Variants in SERPINF1 observed in about 807,000 individuals in gnomAD.
SERPINF1 encodes the protein pigment epithelium-derived factor.
SERPINF1 carries 29 observed loss-of-function variants against 37.3 expected under a neutral mutation model. The ratio of observed to expected loss-of-function variants is 0.78; its 90% CI spans 0.58 to 1.06. SERPINF1 has a LOEUF of 1.06. Ranked by LOEUF, SERPINF1 falls within the 50% of genes least tolerant of loss-of-function variation. The pLI is 0.00. For synonymous variants in SERPINF1, 281 were observed against 227.9 expected (o/e 1.23, Z -2.10); for missense variants, 553 against 532.2 (o/e 1.04, Z -0.38).
intron 5 of SERPINF1, among the ~76,000 whole-genome samples, chr17:1,774,416 G>A (rs569273331): frequency 9.9e-5 from 15 of 152,156 alleles, no homozygotes; most frequent in Admixed American, 3.9e-4. Context: ...GGCTGTTCTC[G>A]AAAACTCCTG....
At position 1,777,211 on chromosome 17, in the gene SERPINF1, C is replaced by T; in HGVS notation, c.1022C>T (p.Pro341Leu). 1 of 1,614,082 alleles carries T rather than the reference C, an allele frequency of 6.2e-7. No individual in the cohort carries two copies. Among genetic ancestry groups the T allele is most frequent in the Non-Finnish European group, 8.5e-7 (1 of 1,180,028 alleles). Reference sequence around the variant, plus strand: ...GAGCTGCAATCCTTGTTTGATTCACCAGACTTTAGCAAGATCACAGGCAAA... The same window carrying T: ...GAGCTGCAATCCTTGTTTGATTCACTAGACTTTAGCAAGATCACAGGCAAA... The part of the protein sequence containing the change: ...EMKLQSLFDS[P>L]DFSKITGKPI... Residue 341 changes from proline to leucine, a missense_variant, in exon 8 of 8, where the codon CCA (proline) becomes CTA (leucine). Pro to Leu is a moderately conservative substitution (Grantham distance 98). Transcript: ENST00000254722.
At chr17:1,766,812 C>T in intron 1 of SERPINF1, 91 bp from the exon 2 acceptor site, 1 of 1,297,210 alleles carries the variant, frequency 7.7e-7, no homozygotes, top group South Asian at 1.3e-5. Flanking sequence ...CCTGCCCAAC[C>T]CCTGGGTCCT....
At chr17:1,767,394 G>A (rs563641752) in intron 2 of SERPINF1, among the ~76,000 whole-genome samples, 4 of 152,060 alleles carry the variant, frequency 2.6e-5, no homozygotes, top group African/African-American at 7.2e-5. Flanking sequence ...CTCCTGCCTC[G>A]GCCTCCCAAA....
At position 1,766,649 on chromosome 17, in the gene SERPINF1, G is replaced by T. The variant is rs1907393199; in HGVS notation, c.-8-254G>T. The T allele has an allele frequency of 7.2e-6, 3 of 416,438 alleles. No individual in the cohort carries two copies. In the South Asian group the frequency reaches 1.6e-4, roughly 22 times the overall value. The allele number at this position is 416,438 out of a possible 1,614,324, so 25.8% of individuals were successfully genotyped here. A position where few individuals can be genotyped will look rare whatever the true frequency, so the allele number is the denominator to read the frequency against. On this transcript the variant is annotated intron_variant, in intron 1 of 7. Coordinates refer to ENST00000254722, the MANE Select transcript of SERPINF1 (RefSeq NM_002615.7). ...CCCTGACGCAGACAGTGGAACAAAA[G>T]CACAAGCTTATGGTATGACTGTGGG...
Position 1,770,004 on chromosome 17 carries a change from C to T in SERPINF1, c.237C>T (p.Leu79=), listed in dbSNP as rs1907624594. 6.2e-7 allele frequency: 1 copy of T among 1,614,072 alleles called. No individual in the cohort carries two copies. Among genetic ancestry groups the T allele is most frequent in the Admixed American group, 1.7e-5 (1 of 60,014 alleles). Residue 79 remains leucine, a synonymous_variant, in exon 3 of 8, where the codon CTC becomes CTT. Transcript: ENST00000254722. ...RSSTSPTTNV[L]LSPLSVATAL... Reference sequence around the variant, plus strand: ...GCACGAGCCCCACGACCAACGTGCTCCTGTCTCCTCTCAGTGTGGCCACGG... The same window carrying T: ...GCACGAGCCCCACGACCAACGTGCTTCTGTCTCCTCTCAGTGTGGCCACGG...
chr17:1,777,065 C>A, intron 7 of SERPINF1, 122 bp from the exon 8 acceptor site: 1 of 1,501,558 alleles, frequency 6.7e-7, no homozygotes. Context: ...CAGCTCAGAC[C>A]TCTTCAGGCC....
At chr17:1,769,769 C>A in intron 2 of SERPINF1, 83 bp from the exon 3 acceptor site, 1 of 1,491,916 alleles carries the variant, frequency 6.7e-7, no homozygotes, top group Non-Finnish European at 9.3e-7. Flanking sequence ...AACCACCACC[C>A]TACACAAAGC....
intron 2 of SERPINF1, among the ~76,000 whole-genome samples, chr17:1,769,516 T>G (rs1907587063): frequency 6.6e-6 from 1 of 152,106 alleles, no homozygotes; most frequent in African/African-American, 2.4e-5. Context: ...CCCAGCCATT[T>G]GGGAGGCTAA....
intron 1 of SERPINF1, among the ~76,000 whole-genome samples, chr17:1,762,555 G>T (rs941132529): frequency 4.6e-5 from 7 of 152,210 alleles, no homozygotes; most frequent in Non-Finnish European, 8.8e-5. Flanking sequence ...CCCAGCCCTG[G>T]CCCCTGCTCC....
At position 1,771,172 on chromosome 17, in the gene SERPINF1, G is replaced by A. The variant is rs548418598; in HGVS notation, c.427G>A (p.Val143Ile). 8.0e-5 allele frequency: 129 copies of A among 1,613,644 alleles called. No individual in the cohort carries two copies. In the East Asian group the frequency reaches 1.3e-3, roughly 16 times the overall value. The change falls in exon 4 of 8, where the codon GTC (valine) becomes ATC (isoleucine). Residue 143 changes from valine to isoleucine, a missense_variant. Val to Ile is a conservative substitution (Grantham distance 29). Transcript: ENST00000254722. Reference sequence around the variant, plus strand: ...GAACCTCAAGAGTGCCTCCCGGATCGTCTTTGAGAAGAGTGAGTCGCCTTT... The same window carrying A: ...GAACCTCAAGAGTGCCTCCCGGATCATCTTTGAGAAGAGTGAGTCGCCTTT... ...QKNLKSASRI[V>I]FEKKLRIKSS...
chr17:1,769,982 C>T lies in SERPINF1; in HGVS notation c.215C>T (p.Thr72Met), dbSNP rs1136287. Reference sequence around the variant, plus strand: ...GACCTGTACCGGGTGCGATCCAGCACGAGCCCCACGACCAACGTGCTCCTG... The same window carrying T: ...GACCTGTACCGGGTGCGATCCAGCATGAGCCCCACGACCAACGTGCTCCTG... ...GYDLYRVRSS[T>M]SPTTNVLLSP... The change falls in exon 3 of 8, where the codon ACG (threonine) becomes ATG (methionine). Residue 72 changes from threonine (T) to methionine (M), a missense_variant. Coordinates refer to ENST00000254722, the MANE Select transcript of SERPINF1 (RefSeq NM_002615.7). 1,023,654 of 1,613,816 alleles carry T rather than the reference C, an allele frequency of 0.63. 329,446 individuals are homozygous for T. The highest frequency in any genetic ancestry group is 0.84 in the African/African-American group (63,038 of 74,990).
chr17:1,776,785 G>A (rs751308569), intron 7 of SERPINF1, 43 bp downstream of exon 7: 3 of 1,588,862 alleles, frequency 1.9e-6, no homozygotes, highest in Non-Finnish European at 2.6e-6. Flanking sequence ...TGGATGGGGT[G>A]GGGCAGGGTC....
Position 1,776,621 on chromosome 17 carries a change from C to T in SERPINF1, c.876C>T (p.Ser292=), listed in dbSNP as rs1180855694. ...VTQNLTLIEE[S]LTSEFIHDID... Reference sequence around the variant, plus strand: ...AGAATTTGACCTTGATAGAGGAGAGCCTCACCTCCGAGTTCATTCATGACA... The same window carrying T: ...AGAATTTGACCTTGATAGAGGAGAGTCTCACCTCCGAGTTCATTCATGACA... Residue 292 remains serine, a synonymous_variant, in exon 7 of 8, where the codon AGC becomes AGT. Transcript: ENST00000254722. 1 of 1,613,974 alleles carries T rather than the reference C, an allele frequency of 6.2e-7. No individual in the cohort carries two copies.
intron 5 of SERPINF1, among the ~76,000 whole-genome samples, chr17:1,772,526 C>T (rs1012550058): frequency 2.3e-4 from 35 of 152,172 alleles, no homozygotes; most frequent in Middle Eastern, 6.8e-3. Flanking sequence ...GCTGGGATTA[C>T]AGGCATGAGC....
chr17:1,762,646 C>T (rs1159866408), intron 1 of SERPINF1, among the ~76,000 whole-genome samples: 3 of 152,224 alleles, frequency 2.0e-5, no homozygotes, highest in South Asian at 2.1e-4. Flanking sequence ...CCGCTGGCCT[C>T]GGCGCCCTGG....
chr17:1,772,103 T>G (rs1907782324), intron 5 of SERPINF1, 28 bp downstream of exon 5: 2 of 1,602,182 alleles, frequency 1.2e-6, no homozygotes, highest in South Asian at 2.2e-5. Flanking sequence ...TCTTTTTCAT[T>G]TATTTTACTG....
intron 1 of SERPINF1, 58 bp from the exon 2 acceptor site, chr17:1,766,845 T>G: frequency 6.7e-7 from 1 of 1,494,418 alleles, no homozygotes; most frequent in Non-Finnish European, 9.1e-7. Context: ...CAGGAAGGGG[T>G]AGCGGGGCAG....
At chr17:1,773,613 AC>A (rs1907868997) in intron 5 of SERPINF1, among the ~76,000 whole-genome samples, 1 of 152,150 alleles carries the variant, frequency 6.6e-6, no homozygotes, top group Admixed American at 6.5e-5. Context: ...ACATTTCATA[AC>A]CTTTCTGGGC....
chr17:1,770,110 C>T (rs1907636808), intron 3 of SERPINF1, 60 bp downstream of exon 3: 20 of 1,577,758 alleles, frequency 1.3e-5, no homozygotes, highest in Admixed American at 3.4e-5. Context: ...GTGGCCTCTG[C>T]GTAAACGTGG....
Sources: gnomAD v4.1 joint callset for allele counts (sites outside exome capture counted in the v4.1 genomes callset) on GRCh38, gnomAD v4.1.1 for gene constraint, MANE v1.5 for transcripts, NCBI Gene and HGNC (gene_info 2026-07-23, HGNC 2026-07-21) for gene names.